The following AGBL1 variants were observed in gnomAD, a reference collection of about 807,000 sequenced individuals.
AGBL1 encodes cytosolic carboxypeptidase 4.
AGBL1 carries 130 observed loss-of-function variants against 118.9 expected under a neutral mutation model. The ratio of observed to expected loss-of-function variants is 1.09; its 90% CI spans 0.95 to 1.26. AGBL1 has a LOEUF of 1.26. Among genes scored for constraint, AGBL1 ranks in the 50% most tolerant of loss-of-function variants. The probability of loss-of-function intolerance (pLI) is 0.00; values close to 1 mark genes in which losing one functional copy is unlikely to be tolerated. For missense variants in AGBL1, 1,584 were observed against 1,298.1 expected (o/e 1.22, Z -3.38); for synonymous variants, 555 against 478.9 (o/e 1.16, Z -2.08).
chr15:86,234,817 T>C (rs12442305), intron 6 of AGBL1, among the ~76,000 whole-genome samples: 38,504 of 152,144 alleles, frequency 0.25, 4,969 homozygotes, highest in African/African-American at 0.28. Context: ...AAAGATGAAC[T>C]CTTGTTTTAT....
chr15:86,258,002 G>A lies in AGBL1; in HGVS notation c.940G>A (p.Asp314Asn). 6.2e-7 allele frequency: 1 copy of A among 1,613,780 alleles called. No homozygotes were observed. Among genetic ancestry groups the A allele is most frequent in the Non-Finnish European group, 8.5e-7 (1 of 1,179,802 alleles). Residue 314 changes from aspartate to asparagine, a missense_variant, in exon 9 of 23, where the codon GAC (aspartate) becomes AAC (asparagine). By Grantham distance (23) the Asp-to-Asn change is conservative. Coordinates refer to ENST00000614907, the MANE Select transcript of AGBL1 (RefSeq NM_001386094.1). Reference protein sequence around the residue: ...EDDGDDEVDKDSDTEDGKVED... With the variant: ...EDDGDDEVDKNSDTEDGKVED... ...TGATGGCGATGATGAAGTGGACAAA[G>A]ACTCTGATACTGAAGATGGGAAAGT...
At chr15:86,154,840 T>C (rs1028990456) in intron 4 of AGBL1, among the ~76,000 whole-genome samples, 14 of 151,766 alleles carry the variant, frequency 9.2e-5, no homozygotes, top group African/African-American at 3.4e-4. Flanking sequence ...ATTGTAGGCT[T>C]TTCTATTCGT....
intron 18 of AGBL1, among the ~76,000 whole-genome samples, chr15:86,450,691 A>T (rs551929728): frequency 6.6e-6 from 1 of 152,332 alleles, no homozygotes; most frequent in East Asian, 1.9e-4. Flanking sequence ...TTATGTACTG[A>T]CTGTGACTTT....
chr15:87,028,887 C>G, exon 25 of AGBL1: 2 of 1,569,372 alleles, frequency 1.3e-6, no homozygotes, highest in Middle Eastern at 1.7e-4. Flanking sequence ...TGCCATGTGC[C>G]CAGCTCCTCC....
At position 86,159,011 on chromosome 15, in the gene AGBL1, G is replaced by T. The variant is rs775341691; in HGVS notation, c.473G>T (p.Arg158Leu). 3.1e-6 allele frequency: 5 copies of T among 1,613,026 alleles called. No homozygotes were observed. In the African/African-American group the frequency reaches 5.3e-5, roughly 17 times the overall value. Residue 158 changes from arginine to leucine, a missense_variant, in exon 5 of 23, where the codon CGC becomes CTC. By Grantham distance (102) the Arg-to-Leu change is moderately radical. Coordinates refer to ENST00000614907, the MANE Select transcript of AGBL1 (RefSeq NM_001386094.1). ...GTTATTACTCCTTACACCCGAAAGC[G>T]CACCCAAGCAATCAGGTACAGAGTG... ...FKVITPYTRK[R>L]TQAIRAATEV...
chr15:86,244,651 T>G (rs905304923), intron 6 of AGBL1, among the ~76,000 whole-genome samples: 4 of 152,166 alleles, frequency 2.6e-5, no homozygotes, highest in African/African-American at 4.8e-5. Flanking sequence ...ATTAAAGATT[T>G]TTTTTCATTA....
chr15:86,770,152 C>G (rs368481426), intron 22 of AGBL1, among the ~76,000 whole-genome samples: 1 of 152,034 alleles, frequency 6.6e-6, no homozygotes, highest in African/African-American at 2.4e-5. Context: ...CTAAACAAAA[C>G]TAAACAAACA....
At chr15:86,143,921 CT>C (rs1465674877) in intron 3 of AGBL1, 76 bp downstream of exon 3, 4 of 1,531,248 alleles carry the variant, frequency 2.6e-6, no homozygotes, top group Non-Finnish European at 3.5e-6. Context: ...ATTTGGGAAG[CT>C]TTGGTGGAGT....
At chr15:86,157,464 T>G (rs2077208047) in intron 4 of AGBL1, among the ~76,000 whole-genome samples, 1 of 152,152 alleles carries the variant, frequency 6.6e-6, no homozygotes, top group Admixed American at 6.5e-5. Context: ...AATATAATGG[T>G]TATGGAGATT....
intron 16 of AGBL1, among the ~76,000 whole-genome samples, chr15:86,288,739 A>G (rs1285052731): frequency 6.6e-6 from 1 of 152,110 alleles, no homozygotes; most frequent in Non-Finnish European, 1.5e-5. Flanking sequence ...AATATTGTTC[A>G]AATACTTTAT....
At chr15:86,880,020 C>G (rs1212796052) in intron 22 of AGBL1, among the ~76,000 whole-genome samples, 1 of 152,188 alleles carries the variant, frequency 6.6e-6, no homozygotes, top group African/African-American at 2.4e-5. Flanking sequence ...TAACCTTGGC[C>G]TGAGACTAGT....
intron 17 of AGBL1, chr15:86,296,363 C>T (rs1228665764): frequency 6.6e-6 from 1 of 152,204 alleles, no homozygotes; most frequent in Non-Finnish European, 1.5e-5. Context: ...AATGAAGATA[C>T]AGCCTTCCCT....
At position 86,915,124 on chromosome 15, in the gene AGBL1, T is replaced by G. The variant is rs1207833895; in HGVS notation, c.*7830T>G. The G allele has an allele frequency of 6.6e-6, 1 of 152,190 alleles. No homozygotes were observed. The highest frequency in any genetic ancestry group is 1.5e-5 in the Non-Finnish European group (1 of 68,028). 9.4% of individuals were successfully genotyped at this position (152,190 alleles called of 1,614,324 possible). Reference sequence around the variant, plus strand: ...ATGTTGTTGAGTGTGAATCTTAGCTTTGGTTGGAGTCCAAAGCTAAGAATC... The same window carrying G: ...ATGTTGTTGAGTGTGAATCTTAGCTGTGGTTGGAGTCCAAAGCTAAGAATC... On this transcript the variant is annotated 3_prime_UTR_variant, in exon 23 of 23. Coordinates refer to ENST00000614907, the MANE Select transcript of AGBL1 (RefSeq NM_001386094.1).
At chr15:86,677,502 C>T (rs555322017) in intron 22 of AGBL1, among the ~76,000 whole-genome samples, 1 of 152,302 alleles carries the variant, frequency 6.6e-6, no homozygotes, top group African/African-American at 2.4e-5. Context: ...TCCATTGTGA[C>T]AGGTCTTTTG....
chr15:86,737,699 T>A (rs1021880221), intron 22 of AGBL1, among the ~76,000 whole-genome samples: 4 of 152,194 alleles, frequency 2.6e-5, no homozygotes, highest in African/African-American at 9.6e-5. Context: ...AGATCCCACA[T>A]ACTGCTGCTC....
intron 6 of AGBL1, among the ~76,000 whole-genome samples, chr15:86,247,281 G>A (rs1326227015): frequency 6.6e-6 from 1 of 152,156 alleles, no homozygotes; most frequent in Non-Finnish European, 1.5e-5. Flanking sequence ...TTAGCCTCAT[G>A]TTTTGTTCTG....
chr15:86,711,015 TC>T (rs1478396539), intron 22 of AGBL1, among the ~76,000 whole-genome samples: 1 of 152,180 alleles, frequency 6.6e-6, no homozygotes, highest in Admixed American at 6.6e-5. Context: ...GGATGATTTT[TC>T]TCACTAGATC....
chr15:86,203,945 C>T (rs1366524345), intron 5 of AGBL1, among the ~76,000 whole-genome samples: 1 of 152,024 alleles, frequency 6.6e-6, no homozygotes, highest in Admixed American at 6.6e-5. Flanking sequence ...GAAAAAGCAA[C>T]AAAACTGAAA....
chr15:87,025,505 C>T (rs2081717745), intron 24 of AGBL1, among the ~76,000 whole-genome samples: 1 of 151,954 alleles, frequency 6.6e-6, no homozygotes, highest in Admixed American at 6.6e-5. Context: ...ATAGATGACA[C>T]AAACAAATGG....
Sources: allele counts gnomAD v4.1 joint callset (sites outside exome capture counted in the v4.1 genomes callset), GRCh38; gene constraint gnomAD v4.1.1; transcripts MANE v1.5; gene names NCBI Gene and HGNC (gene_info 2026-07-23, HGNC 2026-07-21).